The following MTR variants were observed in gnomAD, a reference collection of about 807,000 sequenced individuals.
MTR encodes the protein 5-methyltetrahydrofolate-homocysteine methyltransferase.
In MTR, 84 loss-of-function variants were observed where a neutral mutation model predicts 154.8. That is an observed-to-expected ratio of 0.54 (90% CI 0.45 to 0.65). The LOEUF (loss-of-function observed/expected upper bound fraction) is 0.65. MTR is among the 30% of genes least tolerant of loss of function. MTR has a pLI of 0.00. For synonymous variants in MTR, 554 were observed against 553.9 expected, an observed-to-expected ratio of 1.00 and a Z score of 0.00; for missense variants, 1,275 against 1,570.2, an observed-to-expected ratio of 0.81 and a Z score of 3.18.
At chr1:236,890,946 G>C (rs527345960) in intron 28 of MTR, among the ~76,000 whole-genome samples, 187 bp from the exon 29 acceptor site, 1 of 152,304 alleles carries the variant, frequency 6.6e-6, no homozygotes, top group South Asian at 2.1e-4. Flanking sequence ...CACTTAGCAG[G>C]AGCCGCAAAG....
chr1:236,810,865 A>C (rs1399418081), intron 5 of MTR, among the ~76,000 whole-genome samples: 4 of 152,226 alleles, frequency 2.6e-5, no homozygotes, highest in African/African-American at 9.6e-5. Flanking sequence ...AAAACCAACT[A>C]AAATAAAGCT....
At chr1:236,896,781 C>G (rs547774977) in intron 31 of MTR, among the ~76,000 whole-genome samples, 53 of 152,218 alleles carry the variant, frequency 3.5e-4, no homozygotes, top group Non-Finnish European at 6.6e-4. Flanking sequence ...GGCCTGTCCC[C>G]CTGGGTTAGA....
chr1:236,832,201 T>C, intron 13 of MTR, 123 bp downstream of exon 13: 1 of 830,860 alleles, frequency 1.2e-6, no homozygotes, highest in Non-Finnish European at 2.0e-6. Context: ...TGTGAGAAGA[T>C]GGTAATGTGT....
chr1:236,817,321 A>G lies in MTR; in HGVS notation c.764+778A>G, dbSNP rs372061860. ...CCCCTTTCCCCCCTTTCCCTCCTCC[A>G]TACCTGTTCACTCTGCTGACTTCTT... On this transcript the variant is annotated intron_variant, in intron 8 of 32. Transcript: ENST00000366577. Among the ~76,000 whole-genome samples the G allele has an allele frequency of 1.6e-3, 237 of 150,026 alleles. 1 individual carries two copies. The Middle Eastern group carries it at 0.028, about 17-fold the overall frequency.
At chr1:236,847,772 A>T (rs943412003) in intron 15 of MTR, among the ~76,000 whole-genome samples, 2 of 152,174 alleles carry the variant, frequency 1.3e-5, no homozygotes, top group African/African-American at 2.4e-5. Flanking sequence ...AAACAAGCAA[A>T]CAGAAATCCC....
intron 29 of MTR, 139 bp from the exon 30 acceptor site, chr1:236,894,218 C>CA (rs975678980): frequency 1.3e-6 from 1 of 753,898 alleles, no homozygotes; most frequent in African/African-American, 1.7e-5. Context: ...GGGGATGTAA[C>CA]AGTGCACAAT....
intron 1 of MTR, chr1:236,800,188 G>C: frequency 1.0e-6 from 1 of 985,394 alleles, no homozygotes; most frequent in Non-Finnish European, 1.2e-6. Context: ...GGAGGAGATA[G>C]GAAGAAGGAC....
chr1:236,879,902 C>T (rs1223950733), intron 24 of MTR, among the ~76,000 whole-genome samples: 1 of 151,960 alleles, frequency 6.6e-6, no homozygotes, highest in Non-Finnish European at 1.5e-5. Flanking sequence ...GCCTGTAATC[C>T]CAGCACTTTG....
chr1:236,864,360 G>A (rs1664715600), intron 22 of MTR, among the ~76,000 whole-genome samples: 1 of 152,116 alleles, frequency 6.6e-6, no homozygotes, highest in Non-Finnish European at 1.5e-5. Flanking sequence ...ACAATTACCT[G>A]CTAAGCTGTG....
intron 15 of MTR, among the ~76,000 whole-genome samples, chr1:236,841,200 C>T (rs1663213171): frequency 6.6e-6 from 1 of 152,138 alleles, no homozygotes. Context: ...TAGCTTTTCA[C>T]CATCCACTGC....
chr1:236,803,310 C>T (rs1660794329), intron 1 of MTR, 118 bp from the exon 2 acceptor site: 3 of 1,039,588 alleles, frequency 2.9e-6, no homozygotes, highest in Non-Finnish European at 4.4e-6. Context: ...ATGAGTGCAT[C>T]TTTTATAAAC....
intron 31 of MTR, among the ~76,000 whole-genome samples, 178 bp from the exon 32 acceptor site, chr1:236,896,828 G>A (rs1465031646): frequency 6.6e-6 from 1 of 152,172 alleles, no homozygotes; most frequent in Non-Finnish European, 1.5e-5. Context: ...TCTTCACCTG[G>A]CAGGAATTTG....
chr1:236,890,426 A>G lies in MTR; in HGVS notation c.3008-707A>G, dbSNP rs138306767. Among the ~76,000 whole-genome samples the G allele has an allele frequency of 2.7e-3, 405 of 152,268 alleles. 2 individuals carry two copies. The highest frequency in any genetic ancestry group is 4.8e-3 in the Non-Finnish European group (329 of 68,020). ...AGCCACATGTGAGGATTTGGGCCAC[A>G]CTTCACCCCTTACCACTAACGTTCC... is the stretch of plus-strand genomic sequence containing the variant. On this transcript the variant is annotated intron_variant, in intron 28 of 32. Transcript: ENST00000366577.
chr1:236,798,565 C>T (rs555943005), intron 1 of MTR, among the ~76,000 whole-genome samples: 5 of 152,244 alleles, frequency 3.3e-5, no homozygotes, highest in Admixed American at 6.5e-5. Context: ...CTTAGGCTCA[C>T]TAGCCAAGGA....
chr1:236,812,548 T>C (rs1379463771), intron 5 of MTR, among the ~76,000 whole-genome samples, 190 bp from the exon 6 acceptor site: 1 of 152,250 alleles, frequency 6.6e-6, no homozygotes, highest in African/African-American at 2.4e-5. Context: ...AACAGCTGCC[T>C]TCAGCTTACT....
chr1:236,816,864 A>G (rs1460106701), intron 8 of MTR, among the ~76,000 whole-genome samples: 4 of 152,164 alleles, frequency 2.6e-5, no homozygotes, highest in African/African-American at 9.7e-5. Flanking sequence ...AACCAGAAGC[A>G]ATCTGTCATG....
At chr1:236,823,789 G>A (rs1662113005) in intron 8 of MTR, among the ~76,000 whole-genome samples, 1 of 85,876 alleles carries the variant, frequency 1.2e-5, no homozygotes, top group African/African-American at 5.2e-5. Flanking sequence ...TTGCTTTCAG[G>A]TCAGATCTTT....
chr1:236,871,329 CA>C (rs11363843), intron 22 of MTR, among the ~76,000 whole-genome samples: 72,363 of 151,858 alleles, frequency 0.48, 17,408 homozygotes, highest in East Asian at 0.53. Flanking sequence ...TTATCACCCA[CA>C]ACTCTATCCT....
In MTR at chr1:236,898,926, C is replaced by T. The variant is rs1666806891; in HGVS notation, c.*1282C>T. 6.6e-6 allele frequency: 1 copy of T among 152,090 alleles called. No homozygotes were observed. Among genetic ancestry groups the T allele is most frequent in the South Asian group, 2.1e-4 (1 of 4,820 alleles). 9.4% of individuals were successfully genotyped at this position (152,090 alleles called of 1,614,324 possible). A position where few individuals can be genotyped will look rare whatever the true frequency, so the allele number is the denominator to read the frequency against. On this transcript the variant is annotated 3_prime_UTR_variant, in exon 33 of 33. Transcript: ENST00000366577. ...ATGTCATCTTTTTCTTGGATGATTG[C>T]AGTTATTTCAAAAATTTGCATGCAA... is the stretch of plus-strand genomic sequence containing the variant.
Sources: gnomAD v4.1 joint callset for allele counts (sites outside exome capture counted in the v4.1 genomes callset) on GRCh38, gnomAD v4.1.1 for gene constraint, MANE v1.5 for transcripts, NCBI Gene and HGNC (gene_info 2026-07-23, HGNC 2026-07-21) for gene names.